Variants in FBXO11 observed in about 807,000 individuals in gnomAD.
FBXO11 encodes F-box only protein 11.
Under a neutral mutation model 117.0 loss-of-function variants are expected in FBXO11, and 13 were observed. The observed-to-expected ratio is 0.11, with a 90% CI of 0.07 to 0.18. The LOEUF (loss-of-function observed/expected upper bound fraction) is 0.18. Ranked by LOEUF, FBXO11 falls within the 10% of genes least tolerant of loss-of-function variation. The pLI, the probability that FBXO11 is intolerant of heterozygous loss-of-function variation, is 1.00. For missense variants in FBXO11, 767 were observed against 1,164.4 expected (o/e 0.66, Z 4.97); for synonymous variants, 490 against 380.5 (o/e 1.29, Z -3.35).
chr2:47,824,877 G>GA (rs1034296104), intron 11 of FBXO11, among the ~76,000 whole-genome samples: 3 of 152,206 alleles, frequency 2.0e-5, no homozygotes, highest in African/African-American at 7.2e-5. Context: ...TGAATATTAA[G>GA]AAAAAACGGA....
chr2:47,899,249 G>C (rs1677913485), intron 1 of FBXO11, among the ~76,000 whole-genome samples: 1 of 149,766 alleles, frequency 6.7e-6, no homozygotes, highest in Non-Finnish European at 1.5e-5. Context: ...ACTCCAGCCT[G>C]GGCGACAGAG....
chr2:47,900,647 CACACGTATACACACACGTACGT>C lies in FBXO11; in HGVS notation c.232+4820_232+4841del, dbSNP rs1678088508. Among the ~76,000 whole-genome samples, 2 of 87,134 alleles carry C rather than the reference CACACGTATACACACACGTACGT, an allele frequency of 2.3e-5. 1 individual carries two copies. The highest frequency in any genetic ancestry group is 5.5e-5 in the Non-Finnish European group (2 of 36,238). 57.2% of individuals were successfully genotyped at this position (87,134 alleles called of 152,430 possible). ...ACGTATACACACACGTACGTATATA[CACACGTATACACACACGTACGT>C]ATATACACACGTATACACACACGTA... On this transcript the variant is annotated intron_variant, in intron 1 of 22. Coordinates refer to ENST00000403359, the MANE Select transcript of FBXO11 (RefSeq NM_001190274.2).
At chr2:47,835,430 G>A (rs1199249574) in intron 5 of FBXO11, among the ~76,000 whole-genome samples, 1 of 152,138 alleles carries the variant, frequency 6.6e-6, no homozygotes, top group Non-Finnish European at 1.5e-5. Flanking sequence ...TTAATGGGGG[G>A]ATATGTCAGT....
At chr2:47,826,980 C>G (rs1160808079) in intron 11 of FBXO11, among the ~76,000 whole-genome samples, 1 of 152,240 alleles carries the variant, frequency 6.6e-6, no homozygotes, top group Non-Finnish European at 1.5e-5. Flanking sequence ...CTGCTCCAAT[C>G]TGGTTGGCTG....
intron 1 of FBXO11, among the ~76,000 whole-genome samples, chr2:47,882,999 T>G (rs967772776): frequency 2.6e-5 from 4 of 152,150 alleles, no homozygotes; most frequent in Non-Finnish European, 5.9e-5. Flanking sequence ...ACATTTTATG[T>G]CCTCCTGTTG....
intron 1 of FBXO11, 167 bp downstream of exon 1, chr2:47,905,322 C>G: frequency 1.6e-6 from 1 of 637,506 alleles, no homozygotes; most frequent in Non-Finnish European, 2.1e-6. Context: ...CGGCCGGGCC[C>G]GGCCCGGGCT....
chr2:47,898,089 G>A (rs1677814188), intron 1 of FBXO11, among the ~76,000 whole-genome samples: 1 of 152,136 alleles, frequency 6.6e-6, no homozygotes, highest in East Asian at 1.9e-4. Flanking sequence ...ATTTAACAAC[G>A]GGGTTTTTAG....
At chr2:47,850,913 T>C (rs1279790491) in intron 1 of FBXO11, among the ~76,000 whole-genome samples, 2 of 152,226 alleles carry the variant, frequency 1.3e-5, no homozygotes, top group Admixed American at 6.5e-5. Context: ...TCCCCTAGTT[T>C]TTCACGTTCA....
chr2:47,832,316 G>C, intron 11 of FBXO11, 33 bp downstream of exon 11: 2 of 1,542,592 alleles, frequency 1.3e-6, no homozygotes, highest in Non-Finnish European at 1.8e-6. Context: ...TGATACAGAA[G>C]TCCGTTTTTC....
At chr2:47,854,763 T>C (rs935507224) in intron 1 of FBXO11, among the ~76,000 whole-genome samples, 2 of 152,058 alleles carry the variant, frequency 1.3e-5, no homozygotes, top group African/African-American at 2.4e-5. Context: ...GGGATGCTGA[T>C]GGTGGTGGAC....
intron 1 of FBXO11, among the ~76,000 whole-genome samples, chr2:47,856,822 A>T (rs1242424885): frequency 6.6e-6 from 1 of 152,270 alleles, no homozygotes; most frequent in Admixed American, 6.5e-5. Flanking sequence ...GAACTGAAAC[A>T]GTACAATGTA....
intron 1 of FBXO11, among the ~76,000 whole-genome samples, chr2:47,876,559 C>T (rs181481931): frequency 2.4e-4 from 37 of 152,254 alleles, no homozygotes; most frequent in East Asian, 1.5e-3. Flanking sequence ...CTTATACATT[C>T]GGAGGAAAGA....
intron 18 of FBXO11, chr2:47,811,796 T>TA (rs1000313396): frequency 1.1e-4 from 17 of 152,340 alleles, no homozygotes; most frequent in African/African-American, 3.4e-4. Flanking sequence ...TTTATAGAGA[T>TA]ACGGTCTTAC....
At chr2:47,812,191 T>C (rs945702602) in intron 18 of FBXO11, among the ~76,000 whole-genome samples, 2 of 152,232 alleles carry the variant, frequency 1.3e-5, no homozygotes, top group South Asian at 2.1e-4. Context: ...CTCTAGACTT[T>C]TGTTTACGAT....
chr2:47,899,186 A>T (rs887019689), intron 1 of FBXO11, among the ~76,000 whole-genome samples: 1 of 149,910 alleles, frequency 6.7e-6, no homozygotes, highest in Admixed American at 6.7e-5. Flanking sequence ...AGGCAGGAGA[A>T]TGGTGTGAAC....
In FBXO11 at chr2:47,810,639, T is replaced by C. The variant is rs561617599; in HGVS notation, c.2228-213A>G. 8.1e-4 allele frequency: 359 copies of C among 443,760 alleles called. 3 individuals are homozygous for C. Among genetic ancestry groups the C allele is most frequent in the East Asian group, 1.2e-3 (31 of 26,534 alleles). The allele number at this position is 443,760 out of a possible 1,614,324, so 27.5% of individuals were successfully genotyped here. On this transcript the variant is annotated intron_variant, in intron 18 of 22. Transcript: ENST00000403359. ...TGACAGGTAAGAGCATTCTGACCAA[T>C]AATCTGCCATCTCCATGATAGCAGG...
At chr2:47,835,049 C>T (rs192604229) in intron 5 of FBXO11, among the ~76,000 whole-genome samples, 178 bp from the exon 6 acceptor site, 3 of 152,158 alleles carry the variant, frequency 2.0e-5, no homozygotes. Context: ...CCGGTAATAT[C>T]CAGAAACAAA....
Position 47,809,725 on chromosome 2 carries a change from A to G in FBXO11, c.2339-18T>C. The G allele has an allele frequency of 6.5e-7, 1 of 1,531,510 alleles. No homozygotes were observed. Among genetic ancestry groups the G allele is most frequent in the Non-Finnish European group, 9.0e-7 (1 of 1,106,474 alleles). The allele number at this position is 1,531,510 out of a possible 1,614,324, so 94.9% of individuals were successfully genotyped here. A position where few individuals can be genotyped will look rare whatever the true frequency, so the allele number is the denominator to read the frequency against. On this transcript the variant is annotated intron_variant, in intron 19 of 22. Transcript: ENST00000403359. ...TTCAATACCTGAAGTAAAATTTACA[A>G]ACAAGTAGATACATCACTTTATACT...
chr2:47,808,072 A>C lies in FBXO11; in HGVS notation c.*46T>G, dbSNP rs564320880. On this transcript the variant is annotated 3_prime_UTR_variant, in exon 23 of 23. Transcript: ENST00000403359. ...AAATCTTCTTCCAAAAAAGTGTTTT[A>C]AGTTATGATGTTACAATGGCAGGAC... 51 of 1,520,538 alleles carry C rather than the reference A, an allele frequency of 3.4e-5. No homozygotes were observed. Among genetic ancestry groups the C allele is most frequent in the Non-Finnish European group, 4.5e-5 (50 of 1,116,530 alleles). The allele number at this position is 1,520,538 out of a possible 1,614,324, so 94.2% of individuals were successfully genotyped here. A position where few individuals can be genotyped will look rare whatever the true frequency, so the allele number is the denominator to read the frequency against.
Sources: gnomAD v4.1 joint callset for allele counts (sites outside exome capture counted in the v4.1 genomes callset) on GRCh38, gnomAD v4.1.1 for gene constraint, MANE v1.5 for transcripts, NCBI Gene and HGNC (gene_info 2026-07-23, HGNC 2026-07-21) for gene names.